Variants in FEM1C observed in about 807,000 individuals in gnomAD.
The protein encoded by FEM1C is protein fem-1 homolog C.
FEM1C carries 15 observed loss-of-function variants against 37.6 expected under a neutral mutation model. The ratio of observed to expected loss-of-function variants is 0.40; its 90% confidence interval spans 0.27 to 0.61. The LOEUF (loss-of-function observed/expected upper bound fraction) is 0.61. Among genes scored for constraint, FEM1C ranks in the 20% least tolerant of loss-of-function variants. The probability of loss-of-function intolerance (pLI) is 0.42; values close to 1 mark genes in which losing one functional copy is unlikely to be tolerated. For missense variants in FEM1C, 532 were observed against 749.7 expected (o/e 0.71, Z 3.39); for synonymous variants, 287 against 272.8 (o/e 1.05, Z -0.51).
chr5:115,521,412 A>G lies in FEM1C; in HGVS notation c.*2896T>C, dbSNP rs1753771414. 1 of 151,840 alleles carries G rather than the reference A, an allele frequency of 6.6e-6. No individual in the cohort carries two copies. Among genetic ancestry groups the G allele is most frequent in the Non-Finnish European group, 1.5e-5 (1 of 67,780 alleles). The allele number at this position is 151,840 out of a possible 1,614,324, so 9.4% of individuals were successfully genotyped here. On this transcript the variant is annotated 3_prime_UTR_variant, in exon 3 of 3. Coordinates refer to ENST00000274457, the MANE Select transcript of FEM1C (RefSeq NM_020177.3). ...TCACTTTACAAGTGAGCTATCACTT[A>G]ACTTCAAATTCATAATGGGCACCAA... is the stretch of plus-strand genomic sequence containing the variant.
At chr5:115,539,803 C>T (rs1434348936) in intron 2 of FEM1C, among the ~76,000 whole-genome samples, 1 of 152,020 alleles carries the variant, frequency 6.6e-6, no homozygotes, top group East Asian at 1.9e-4. Context: ...TGGCACACTG[C>T]GGGACTCAAC....
At chr5:115,528,192 C>T (rs1753943363) in intron 2 of FEM1C, among the ~76,000 whole-genome samples, 1 of 151,922 alleles carries the variant, frequency 6.6e-6, no homozygotes, top group African/African-American at 2.4e-5. Flanking sequence ...AACATGATCA[C>T]CCTCCCACTA....
chr5:115,538,138 T>A (rs1297066035), intron 2 of FEM1C, among the ~76,000 whole-genome samples: 7 of 151,988 alleles, frequency 4.6e-5, no homozygotes, highest in African/African-American at 1.7e-4. Context: ...AATGGGTAAT[T>A]GTTGAAGTAA....
At chr5:115,543,812 C>A (rs1580387553) in intron 1 of FEM1C, 129 bp from the exon 2 acceptor site, 3 of 204,894 alleles carry the variant, frequency 1.5e-5, no homozygotes, top group Non-Finnish European at 1.2e-5. Context: ...ATCCCACACA[C>A]CCCCCCCACC....
At chr5:115,543,707 C>G in intron 1 of FEM1C, 24 bp from the exon 2 acceptor site, 1 of 1,347,490 alleles carries the variant, frequency 7.4e-7, no homozygotes. Context: ...AAAAAAGTAG[C>G]AGCATTTAAT....
At chr5:115,528,214 A>C (rs1310608548) in intron 2 of FEM1C, among the ~76,000 whole-genome samples, 1 of 152,126 alleles carries the variant, frequency 6.6e-6, no homozygotes, top group Admixed American at 6.6e-5. Flanking sequence ...CAACTAAAAA[A>C]ACTGAAAAAT....
intron 2 of FEM1C, among the ~76,000 whole-genome samples, chr5:115,540,181 G>T (rs1287013659): frequency 1.3e-5 from 2 of 151,956 alleles, no homozygotes; most frequent in African/African-American, 4.8e-5. Context: ...AGTTTCAATT[G>T]GTTCCTGCTT....
Position 115,524,121 on chromosome 5 carries a change from T to C in FEM1C, c.*187A>G. 1.8e-6 allele frequency: 1 copy of C among 551,202 alleles called. No homozygotes were observed. The highest frequency in any genetic ancestry group is 3.2e-6 in the Non-Finnish European group (1 of 312,946). The allele number at this position is 551,202 out of a possible 1,614,324, so 34.1% of individuals were successfully genotyped here. On this transcript the variant is annotated 3_prime_UTR_variant, in exon 3 of 3. Coordinates refer to ENST00000274457, the MANE Select transcript of FEM1C (RefSeq NM_020177.3). ...TCAATAATTCACAAACAATATATTA[T>C]ATGGTATATTTATATTAAATATTGG...
chr5:115,543,399 G>A lies in FEM1C; in HGVS notation c.95C>T (p.Ser32Phe). ...ATTTGTTTTTTCAGAGATCAAGGAG[G>A]AAACCTCCTCTTTGGATTTGCTTGC... ...LLASKSKEEVSSLISEKTNGA... is the reference protein window; with the variant it reads ...LLASKSKEEVFSLISEKTNGA... Residue 32 changes from serine (S) to phenylalanine (F), a missense_variant, in exon 2 of 3, where the codon TCC (serine) becomes TTC (phenylalanine). By Grantham distance (155) the Ser-to-Phe change is radical. Transcript: ENST00000274457. 1 of 1,614,208 alleles carries A rather than the reference G, an allele frequency of 6.2e-7. No homozygotes were observed. The highest frequency in any genetic ancestry group is 8.5e-7 in the Non-Finnish European group (1 of 1,180,028).
intron 2 of FEM1C, among the ~76,000 whole-genome samples, chr5:115,541,906 T>C (rs150004013): frequency 1.3e-5 from 2 of 152,156 alleles, no homozygotes; most frequent in East Asian, 3.9e-4. Flanking sequence ...AAACTGTAAA[T>C]AGTGGTTGTC....
intron 2 of FEM1C, among the ~76,000 whole-genome samples, chr5:115,533,575 G>A (rs558594373): frequency 6.6e-6 from 1 of 151,804 alleles, no homozygotes; most frequent in Admixed American, 6.6e-5. Context: ...GGTGCATAAC[G>A]ATATATGCCA....
chr5:115,528,049 A>G (rs1753939152), intron 2 of FEM1C, among the ~76,000 whole-genome samples: 1 of 150,844 alleles, frequency 6.6e-6, no homozygotes, highest in Admixed American at 6.6e-5. Context: ...AATGAACTCT[A>G]TTTCTGTATT....
rs955841501 is a variant in FEM1C, at chr5:115,526,449, T to C, written c.545-832A>G. Among the ~76,000 whole-genome samples, 140 of 152,268 alleles carry C rather than the reference T, an allele frequency of 9.2e-4. 1 individual carries two copies. Among genetic ancestry groups the C allele is most frequent in the Non-Finnish European group, 1.5e-4 (10 of 68,012 alleles). Reference sequence around the variant, plus strand: ...TAACTTTTTAAACATTCTTTATAGCTGTACTAAATGTTCTAACACTGTCCT... The same window carrying C: ...TAACTTTTTAAACATTCTTTATAGCCGTACTAAATGTTCTAACACTGTCCT... On this transcript the variant is annotated intron_variant, in intron 2 of 2. Coordinates refer to ENST00000274457, the MANE Select transcript of FEM1C (RefSeq NM_020177.3).
In FEM1C at chr5:115,533,784, G is replaced by T. The variant is rs186096410; in HGVS notation, c.545-8167C>A. On this transcript the variant is annotated intron_variant, in intron 2 of 2. Coordinates refer to ENST00000274457, the MANE Select transcript of FEM1C (RefSeq NM_020177.3). Reference sequence around the variant, plus strand: ...ATAAATATTACCAGGAATCTGAGATGAAATTAAGGATATGCAGCAATGAAA... The same window carrying T: ...ATAAATATTACCAGGAATCTGAGATTAAATTAAGGATATGCAGCAATGAAA... Among the ~76,000 whole-genome samples the T allele has an allele frequency of 5.5e-4, 84 of 151,740 alleles. 1 individual carries two copies. Among genetic ancestry groups the T allele is most frequent in the African/African-American group, 1.7e-3 (71 of 41,412 alleles).
rs968412287 is a variant in FEM1C, at chr5:115,524,236, C to G, written c.*72G>C. The G allele has an allele frequency of 6.5e-6, 8 of 1,239,280 alleles. No individual in the cohort carries two copies. Among genetic ancestry groups the G allele is most frequent in the Admixed American group, 1.9e-5 (1 of 54,052 alleles). The allele number at this position is 1,239,280 out of a possible 1,614,324, so 76.8% of individuals were successfully genotyped here. A position where few individuals can be genotyped will look rare whatever the true frequency, so the allele number is the denominator to read the frequency against. The stretch of plus-strand genomic sequence containing the variant: ...CAAGCTAAATGAATGCTGGTGTTAT[C>G]ACAACAGTGCTCATTTATGAAACAA... On this transcript the variant is annotated 3_prime_UTR_variant, in exon 3 of 3. Coordinates refer to ENST00000274457, the MANE Select transcript of FEM1C (RefSeq NM_020177.3).
rs781241182 is a variant in FEM1C, at chr5:115,543,088, C to T, written c.406G>A (p.Val136Ile). Residue 136 changes from valine to isoleucine, a missense_variant, in exon 2 of 3, where the codon GTA (valine) becomes ATA (isoleucine). Physicochemically the swap from Val to Ile is conservative, Grantham distance 29. This residue lies in a region of FEM1C where 221 missense variants were observed against 404.1 expected (regional missense o/e 0.55). Transcript: ENST00000274457. ...ACTTCCAAATCAGCTTTGTGTTCTA[C>T]AAGGTACTTCACTATTTCCAAATGG... The part of the protein sequence containing the change: ...DGHLEIVKYL[V>I]EHKADLEVSN... The T allele has an allele frequency of 6.2e-6, 10 of 1,614,230 alleles. 1 individual carries two copies. The South Asian group carries it at 9.9e-5, about 16-fold the overall frequency.
In FEM1C at chr5:115,543,559, G is replaced by T; in HGVS notation, c.-66C>A. ...AGCAGAGCTCCAGTTTAACTCTATC[G>T]ACACAGGCAAGAGTCACAGGAACCA... On this transcript the variant is annotated 5_prime_UTR_variant, in exon 2 of 3. Transcript: ENST00000274457. The T allele has an allele frequency of 1.3e-6, 2 of 1,522,188 alleles. No homozygotes were observed. Among genetic ancestry groups the T allele is most frequent in the African/African-American group, 2.8e-5 (2 of 72,216 alleles). The allele number at this position is 1,522,188 out of a possible 1,614,324, so 94.3% of individuals were successfully genotyped here.
Position 115,522,381 on chromosome 5 carries a change from T to A in FEM1C, c.*1927A>T, listed in dbSNP as rs1280859724. The A allele has an allele frequency of 6.6e-6, 1 of 151,912 alleles. No individual in the cohort carries two copies. The highest frequency in any genetic ancestry group is 1.5e-5 in the Non-Finnish European group (1 of 67,866). The allele number at this position is 151,912 out of a possible 1,614,324, so 9.4% of individuals were successfully genotyped here. A position where few individuals can be genotyped will look rare whatever the true frequency, so the allele number is the denominator to read the frequency against. On this transcript the variant is annotated 3_prime_UTR_variant, in exon 3 of 3. Transcript: ENST00000274457. ...CTTAATATATGTGACAGTTCAAATA[T>A]TTCATCAAATTTTCCCACAGTGAGA...
chr5:115,542,798 T>C (rs1194868957), intron 2 of FEM1C, 152 bp downstream of exon 2: 2 of 847,732 alleles, frequency 2.4e-6, no homozygotes, highest in East Asian at 2.6e-5. Context: ...CCAAACATCA[T>C]AGAAACACTC....
Sources: allele counts gnomAD v4.1 joint callset (sites outside exome capture counted in the v4.1 genomes callset), GRCh38; gene constraint gnomAD v4.1.1; regional missense constraint gnomAD v4.1.1; transcripts MANE v1.5; gene names NCBI Gene and HGNC (gene_info 2026-07-23, HGNC 2026-07-21).